ARHGAP10: variants seen among roughly 807,000 people sequenced by gnomAD.
ARHGAP10 encodes Rho GTPase activating protein 10.
ARHGAP10 carries 87 observed loss-of-function variants against 108.6 expected under a neutral mutation model. The observed-to-expected ratio is 0.80, with a 90% CI of 0.67 to 0.96. The LOEUF (loss-of-function observed/expected upper bound fraction) is 0.96. Among genes scored for constraint, ARHGAP10 ranks in the 40% least tolerant of loss-of-function variants. The pLI is 0.00. For missense variants in ARHGAP10, 939 were observed against 954.5 expected (o/e 0.98, Z 0.21); for synonymous variants, 347 against 341.1 (o/e 1.02, Z -0.19).
chr4:147,972,904 G>A (rs1429800472), intron 18 of ARHGAP10, among the ~76,000 whole-genome samples: 1 of 152,028 alleles, frequency 6.6e-6, no homozygotes, highest in African/African-American at 2.4e-5. Context: ...ACAGGCATGT[G>A]CCACCATGCC....
At chr4:147,813,587 C>G (rs1732118449) in intron 1 of ARHGAP10, among the ~76,000 whole-genome samples, 1 of 152,200 alleles carries the variant, frequency 6.6e-6, no homozygotes, top group Non-Finnish European at 1.5e-5. Flanking sequence ...CAGAGTCTGA[C>G]AGCAAGAATT....
chr4:147,990,712 A>C (rs1480589781), intron 18 of ARHGAP10, among the ~76,000 whole-genome samples: 2 of 152,226 alleles, frequency 1.3e-5, no homozygotes, highest in Non-Finnish European at 2.9e-5. Context: ...TATGAACAGG[A>C]GCCAAACATT....
chr4:147,959,200 G>GA (rs201331003), intron 16 of ARHGAP10, among the ~76,000 whole-genome samples: 3 of 151,078 alleles, frequency 2.0e-5, no homozygotes, highest in Non-Finnish European at 4.4e-5. Context: ...ACAAGATAGA[G>GA]AAAAAAATGG....
intron 10 of ARHGAP10, among the ~76,000 whole-genome samples, chr4:147,903,161 G>T (rs73853989): frequency 0.075 from 11,379 of 152,202 alleles, 1,244 homozygotes; most frequent in African/African-American, 0.24. Flanking sequence ...TGCCTCCACA[G>T]CTTTCTGTTG....
At chr4:147,916,903 C>A (rs7655265) in intron 13 of ARHGAP10, 21,079 of 152,132 alleles carry the variant, frequency 0.14, 3,208 homozygotes, top group African/African-American at 0.36. Context: ...ACTCCCAGAT[C>A]CCATTCTTTG....
chr4:147,734,538 C>A (rs1345441563), intron 1 of ARHGAP10, among the ~76,000 whole-genome samples: 3 of 152,148 alleles, frequency 2.0e-5, no homozygotes, highest in Non-Finnish European at 4.4e-5. Flanking sequence ...GCTCACATGC[C>A]TTTTCCCGCT....
rs752960515 is a variant in ARHGAP10, at chr4:148,023,357, G to A, written c.1811G>A (p.Gly604Asp). Reference protein sequence around the residue: ...NAPPRQSKRQGQRTKRPVAVY... With the variant: ...NAPPRQSKRQDQRTKRPVAVY... The stretch of plus-strand genomic sequence containing the variant: ...CCACCAAGGCAGTCGAAGAGACAAG[G>A]CCAGAGAACCAAGAGGCCCGTGGCC... The change falls in exon 19 of 23, where the codon GGC becomes GAC. Residue 604 changes from glycine (G) to aspartate (D), a missense_variant. Transcript: ENST00000336498. 2.0e-5 allele frequency: 33 copies of A among 1,614,092 alleles called. No individual in the cohort carries two copies. Among genetic ancestry groups the A allele is most frequent in the African/African-American group, 2.7e-5 (2 of 74,934 alleles).
intron 1 of ARHGAP10, among the ~76,000 whole-genome samples, chr4:147,796,597 T>C (rs1731327032): frequency 6.6e-6 from 1 of 152,120 alleles, no homozygotes; most frequent in African/African-American, 2.4e-5. Context: ...TCATCTCGGC[T>C]TAACTGCAAG....
At chr4:148,023,560 G>T in intron 19 of ARHGAP10, 147 bp downstream of exon 19, 1 of 986,288 alleles carries the variant, frequency 1.0e-6, no homozygotes, top group Non-Finnish European at 1.4e-6. Context: ...CAGGGAGGGT[G>T]AAGCTTTTTT....
At chr4:147,934,117 TG>T (rs1036141428) in intron 13 of ARHGAP10, among the ~76,000 whole-genome samples, 2 of 152,228 alleles carry the variant, frequency 1.3e-5, no homozygotes, top group Non-Finnish European at 2.9e-5. Context: ...CTGAGACCAC[TG>T]TTAGTATGCA....
intron 5 of ARHGAP10, chr4:147,857,866 ATAG>A: frequency 3.7e-6 from 1 of 271,904 alleles, no homozygotes; most frequent in Middle Eastern, 1.3e-3. Flanking sequence ...CTATGGATTC[ATAG>A]TAGTAAAATT....
At chr4:147,817,693 ACT>A (rs774141351) in intron 1 of ARHGAP10, among the ~76,000 whole-genome samples, 5 of 151,910 alleles carry the variant, frequency 3.3e-5, no homozygotes, top group Admixed American at 6.6e-5. Flanking sequence ...AGTCTGGAAG[ACT>A]CTGAAGTGGC....
chr4:147,853,021 C>T (rs982566884), intron 4 of ARHGAP10, among the ~76,000 whole-genome samples: 1 of 152,184 alleles, frequency 6.6e-6, no homozygotes, highest in Admixed American at 6.5e-5. Flanking sequence ...GTGAGCTATA[C>T]ATACATTTAA....
At chr4:147,856,889 G>A (rs1206558278) in intron 4 of ARHGAP10, among the ~76,000 whole-genome samples, 1 of 152,166 alleles carries the variant, frequency 6.6e-6, no homozygotes, top group African/African-American at 2.4e-5. Context: ...GTCTCACCCT[G>A]TTGCCCAGGC....
intron 1 of ARHGAP10, among the ~76,000 whole-genome samples, chr4:147,743,104 G>A (rs1728757792): frequency 1.3e-5 from 2 of 150,000 alleles, no homozygotes; most frequent in Admixed American, 6.6e-5. Flanking sequence ...CATGATCTCG[G>A]CTCACTGCAA....
At chr4:148,016,843 G>A (rs1420183749) in intron 18 of ARHGAP10, among the ~76,000 whole-genome samples, 3 of 152,068 alleles carry the variant, frequency 2.0e-5, no homozygotes, top group African/African-American at 7.2e-5. Flanking sequence ...TTAATTTGCT[G>A]GAGTGGCTCA....
At chr4:147,919,663 C>A (rs1737153853) in intron 13 of ARHGAP10, among the ~76,000 whole-genome samples, 1 of 152,074 alleles carries the variant, frequency 6.6e-6, no homozygotes, top group Non-Finnish European at 1.5e-5. Context: ...GCCTCCGTCT[C>A]CGCCTCCCGG....
At chr4:147,828,424 T>A (rs895697982) in intron 3 of ARHGAP10, among the ~76,000 whole-genome samples, 1 of 152,226 alleles carries the variant, frequency 6.6e-6, no homozygotes, top group Non-Finnish European at 1.5e-5. Context: ...GTATTAAGTA[T>A]ACAGTTCAAC....
chr4:147,861,058 T>C (rs6535565), intron 5 of ARHGAP10: 113,314 of 152,240 alleles, frequency 0.74, 45,746 homozygotes, highest in Non-Finnish European at 0.89. Context: ...CCGCTGGGCT[T>C]GTTCTGCCTG....
Sources: allele counts gnomAD v4.1 joint callset (sites outside exome capture counted in the v4.1 genomes callset), GRCh38; gene constraint gnomAD v4.1.1; transcripts MANE v1.5; gene names NCBI Gene and HGNC (gene_info 2026-07-23, HGNC 2026-07-21).